GPR158: variants seen among roughly 807,000 people sequenced by gnomAD.
GPR158 encodes the protein G protein-coupled receptor 158.
GPR158 carries 30 observed loss-of-function variants against 78.2 expected under a neutral mutation model. The ratio of observed to expected loss-of-function variants is 0.38; its 90% CI spans 0.29 to 0.52. GPR158 has a LOEUF of 0.52. Ranked by LOEUF, GPR158 falls within the 20% of genes least tolerant of loss-of-function variation. GPR158 has a pLI of 0.83. For synonymous variants in GPR158, 581 were observed against 591.1 expected (o/e 0.98, Z 0.25); for missense variants, 1,463 against 1,523.5 (o/e 0.96, Z 0.66).
chr10:25,208,722 T>C lies in GPR158; in HGVS notation c.903-12330T>C, dbSNP rs12762009. ...ATGGTGGCCTCTACAAACTGTCAAATTAGGTAGGTCCCAAACCTGCTTTCA... is the reference window on the plus strand; with the variant it reads ...ATGGTGGCCTCTACAAACTGTCAAACTAGGTAGGTCCCAAACCTGCTTTCA... On this transcript the variant is annotated intron_variant, in intron 1 of 10. Transcript: ENST00000376351. Among the ~76,000 whole-genome samples, 475 of 152,158 alleles carry C rather than the reference T, an allele frequency of 3.1e-3. 3 individuals are homozygous for C. The highest frequency in any genetic ancestry group is 0.024 in the Middle Eastern group (7 of 294).
intron 4 of GPR158, among the ~76,000 whole-genome samples, chr10:25,451,961 A>C (rs1231499465): frequency 1.3e-5 from 2 of 152,042 alleles, no homozygotes; most frequent in African/African-American, 4.8e-5. Context: ...TACCCAGTAG[A>C]GTTGTTCTAG....
intron 4 of GPR158, among the ~76,000 whole-genome samples, chr10:25,440,329 G>A (rs1835051851): frequency 6.6e-6 from 1 of 152,254 alleles, no homozygotes; most frequent in Middle Eastern, 3.4e-3. Flanking sequence ...AGACACTGTT[G>A]ATCATGCCTT....
chr10:25,592,235 G>T (rs1419478056), intron 8 of GPR158, among the ~76,000 whole-genome samples: 1 of 151,808 alleles, frequency 6.6e-6, no homozygotes, highest in Non-Finnish European at 1.5e-5. Context: ...ATTATATACA[G>T]ATTTACCTTT....
intron 1 of GPR158, among the ~76,000 whole-genome samples, chr10:25,220,724 A>AT (rs1388466512): frequency 6.6e-6 from 1 of 152,170 alleles, no homozygotes; most frequent in East Asian, 1.9e-4. Flanking sequence ...AGCAAGTGTT[A>AT]TTTTAGAGTC....
chr10:25,429,977 TC>T (rs1834878416), intron 4 of GPR158, among the ~76,000 whole-genome samples: 1 of 137,820 alleles, frequency 7.3e-6, no homozygotes, highest in Non-Finnish European at 1.6e-5. Flanking sequence ...CTCTCACCAC[TC>T]CTATTCAACA....
chr10:25,192,364 C>G (rs977357378), intron 1 of GPR158, among the ~76,000 whole-genome samples: 2 of 152,152 alleles, frequency 1.3e-5, no homozygotes, highest in Non-Finnish European at 2.9e-5. Context: ...TACCCAGTCT[C>G]GGGCAGTTCT....
intron 2 of GPR158, among the ~76,000 whole-genome samples, chr10:25,298,915 T>A (rs61530525): frequency 0.19 from 28,532 of 152,122 alleles, 4,798 homozygotes; most frequent in African/African-American, 0.45. Context: ...CTTTTTCACT[T>A]TACCTTTAAG....
At chr10:25,358,153 C>T (rs1855578343) in intron 2 of GPR158, among the ~76,000 whole-genome samples, 1 of 152,052 alleles carries the variant, frequency 6.6e-6, no homozygotes, top group Non-Finnish European at 1.5e-5. Flanking sequence ...TTTATTTACC[C>T]AATGCCTGTA....
chr10:25,199,500 T>C lies in GPR158; in HGVS notation c.903-21552T>C, dbSNP rs1171229144. ...TAGCCTCATTCTTTTTTATGGCTGC[T>C]GATATGGTTGGGCTCTGTTTTTGCA... On this transcript the variant is annotated intron_variant, in intron 1 of 10. Transcript: ENST00000376351. Among the ~76,000 whole-genome samples, 3 of 152,172 alleles carry C rather than the reference T, an allele frequency of 2.0e-5. No homozygotes were observed. The South Asian group carries it at 6.2e-4, about 31-fold the overall frequency.
chr10:25,288,659 A>G (rs986858293), intron 2 of GPR158, among the ~76,000 whole-genome samples: 1 of 152,256 alleles, frequency 6.6e-6, no homozygotes, highest in Non-Finnish European at 1.5e-5. Flanking sequence ...AACAGAACAT[A>G]TCCAAAGTTA....
intron 2 of GPR158, among the ~76,000 whole-genome samples, chr10:25,249,054 G>A (rs959717197): frequency 1.3e-5 from 2 of 151,648 alleles, no homozygotes; most frequent in African/African-American, 2.4e-5. Context: ...TGGATTCCTT[G>A]GTATTTTATT....
At chr10:25,546,988 T>A (rs1469572377) in intron 5 of GPR158, among the ~76,000 whole-genome samples, 1 of 152,212 alleles carries the variant, frequency 6.6e-6, no homozygotes, top group Non-Finnish European at 1.5e-5. Flanking sequence ...TTGCTAACCA[T>A]CTTAAATAAT....
chr10:25,356,657 A>G (rs550228866), intron 2 of GPR158, among the ~76,000 whole-genome samples: 137 of 152,194 alleles, frequency 9.0e-4, no homozygotes, highest in African/African-American at 3.1e-3. Context: ...ATAAGATGTG[A>G]CTTGCTCATC....
chr10:25,201,954 A>G (rs146627910), intron 1 of GPR158, among the ~76,000 whole-genome samples: 64 of 152,160 alleles, frequency 4.2e-4, no homozygotes, highest in African/African-American at 1.3e-3. Flanking sequence ...TGCCTCTGCC[A>G]GGTTTTGGAA....
At chr10:25,226,476 ATCT>A (rs1306935037) in intron 2 of GPR158, among the ~76,000 whole-genome samples, 4 of 152,232 alleles carry the variant, frequency 2.6e-5, no homozygotes, top group African/African-American at 9.6e-5. Flanking sequence ...GGCTTATGCA[ATCT>A]TCTTATGATT....
chr10:25,346,239 AAAG>A (rs1357659577), intron 2 of GPR158, among the ~76,000 whole-genome samples: 7 of 148,146 alleles, frequency 4.7e-5, no homozygotes, highest in Non-Finnish European at 9.0e-5. Flanking sequence ...TATTTTGAAC[AAAG>A]AAGTATTTTG....
chr10:25,212,627 C>CTTTTTTTTTTTTTTTT lies in GPR158; in HGVS notation c.903-8418_903-8403dup, dbSNP rs10642944. 3.8e-5 allele frequency among the ~76,000 whole-genome samples: 3 copies of CTTTTTTTTTTTTTTTT among 78,570 alleles called. 1 individual carries two copies. Among genetic ancestry groups the CTTTTTTTTTTTTTTTT allele is most frequent in the African/African-American group, 1.6e-4 (3 of 18,710 alleles). 51.5% of individuals were successfully genotyped at this position (78,570 alleles called of 152,430 possible). On this transcript the variant is annotated intron_variant, in intron 1 of 10. Transcript: ENST00000376351. ...TACTTAACTACTAGAGAATTTATAG[C>CTTTTTTTTTTTTTTTT]TTTTTTTTTTTTTTTTTTTTTTGAG...
intron 2 of GPR158, among the ~76,000 whole-genome samples, chr10:25,369,164 T>G (rs1350041369): frequency 6.6e-6 from 1 of 151,392 alleles, no homozygotes; most frequent in Admixed American, 6.6e-5. Flanking sequence ...TTTATTTCCT[T>G]CTCCTGCCTA....
chr10:25,444,502 C>T (rs771753060), intron 4 of GPR158, among the ~76,000 whole-genome samples: 5 of 148,018 alleles, frequency 3.4e-5, no homozygotes, highest in African/African-American at 5.0e-5. Flanking sequence ...GAAATGTGGG[C>T]GCATGTATGC....
Sources: allele counts gnomAD v4.1 joint callset (sites outside exome capture counted in the v4.1 genomes callset), GRCh38; gene constraint gnomAD v4.1.1; transcripts MANE v1.5; gene names NCBI Gene and HGNC (gene_info 2026-07-23, HGNC 2026-07-21).